ROBO2: variants seen among roughly 807,000 people sequenced by gnomAD.
ROBO2 encodes roundabout homolog 2.
ROBO2 carries 53 observed loss-of-function variants against 160.8 expected under a neutral mutation model. The observed-to-expected ratio is 0.33, with a 90% CI of 0.26 to 0.41. The LOEUF is 0.41. Ranked by LOEUF, ROBO2 falls within the 10% of genes least tolerant of loss-of-function variation. The pLI, the probability that ROBO2 is intolerant of heterozygous loss-of-function variation, is 1.00. For missense variants in ROBO2, 1,577 were observed against 1,722.4 expected, an observed-to-expected ratio of 0.92 and a Z score of 1.49; for synonymous variants, 664 against 611.7, an observed-to-expected ratio of 1.09 and a Z score of -1.26.
In ROBO2 at chr3:76,906,008, T is replaced by C. The variant is rs146678571; in HGVS notation, c.110-192006T>C. Reference sequence around the variant, plus strand: ...TGATAGCTATCAATAAAATCTTTCATTTGTTTTTCTTCTCCATGGTTTGCA... The same window carrying C: ...TGATAGCTATCAATAAAATCTTTCACTTGTTTTTCTTCTCCATGGTTTGCA... On this transcript the variant is annotated intron_variant, in intron 2 of 26. Coordinates refer to the ROBO2 transcript ENST00000487694. 6.5e-3 allele frequency among the ~76,000 whole-genome samples: 994 copies of C among 152,286 alleles called. 10 individuals are homozygous for C. The highest frequency in any genetic ancestry group is 0.022 in the African/African-American group (915 of 41,562).
chr3:77,588,135 T>C (rs1023468239), intron 16 of ROBO2, among the ~76,000 whole-genome samples: 4 of 152,222 alleles, frequency 2.6e-5, no homozygotes, highest in African/African-American at 9.6e-5. Context: ...TAAGGGAATA[T>C]ATGAGTTTCA....
chr3:76,401,425 AG>A (rs1318738127), intron 2 of ROBO2, among the ~76,000 whole-genome samples: 1 of 151,504 alleles, frequency 6.6e-6, no homozygotes, highest in Non-Finnish European at 1.5e-5. Flanking sequence ...GAAGTTTAAA[AG>A]GTTATTGGGT....
intron 2 of ROBO2, among the ~76,000 whole-genome samples, chr3:76,091,239 CAATA>C (rs1429742758): frequency 2.0e-5 from 3 of 152,074 alleles, no homozygotes; most frequent in African/African-American, 4.8e-5. Flanking sequence ...TAAAACTCAA[CAATA>C]AATAACTCAA....
intron 2 of ROBO2, among the ~76,000 whole-genome samples, chr3:76,031,672 T>G (rs2066924127): frequency 1.3e-5 from 2 of 152,188 alleles, no homozygotes; most frequent in African/African-American, 4.8e-5. Flanking sequence ...CATTTATTGA[T>G]TTGCATATGT....
At chr3:77,378,518 T>C (rs1023302415) in intron 2 of ROBO2, among the ~76,000 whole-genome samples, 2 of 152,194 alleles carry the variant, frequency 1.3e-5, no homozygotes, top group African/African-American at 4.8e-5. Flanking sequence ...ATGCGACTTC[T>C]CAGAGGAAAC....
At chr3:76,024,937 G>A (rs553122536) in intron 2 of ROBO2, among the ~76,000 whole-genome samples, 7 of 147,698 alleles carry the variant, frequency 4.7e-5, no homozygotes, top group South Asian at 2.1e-4. Flanking sequence ...GTGTGTGTGC[G>A]TATATATATA....
intron 2 of ROBO2, among the ~76,000 whole-genome samples, chr3:76,836,551 C>G (rs1028724006): frequency 6.7e-6 from 1 of 150,092 alleles, no homozygotes; most frequent in African/African-American, 2.4e-5. Context: ...ATTCTATTTT[C>G]ACTTTTATTT....
At position 76,892,366 on chromosome 3, in the gene ROBO2, T is replaced by G. The variant is rs2074414533; in HGVS notation, c.110-205648T>G. 2.0e-5 allele frequency among the ~76,000 whole-genome samples: 3 copies of G among 152,174 alleles called. No homozygotes were observed. In the South Asian group the frequency reaches 6.2e-4, roughly 31 times the overall value. On this transcript the variant is annotated intron_variant, in intron 2 of 26. Transcript: ENST00000487694. The stretch of plus-strand genomic sequence containing the variant: ...TAGTTTTGGACTCTTTGACACCAAT[T>G]TCGACCTGTCATCTACTTAGCCCAT...
rs1211386391 is a variant in ROBO2, at chr3:77,456,321, A to G, written c.389-21093A>G. Among the ~76,000 whole-genome samples, 40 of 152,180 alleles carry G rather than the reference A, an allele frequency of 2.6e-4. 1 individual carries two copies. The highest frequency in any genetic ancestry group is 2.6e-3 in the Admixed American group (40 of 15,270). ...TGTAATTATTTATGTTTTGTTGGAG[A>G]TATAAGAAATCTCAAAGCTTGGCCC... On this transcript the variant is annotated intron_variant, in intron 2 of 25. Transcript: ENST00000461745.
chr3:76,003,585 T>C (rs1225902974), intron 2 of ROBO2, among the ~76,000 whole-genome samples: 5 of 152,194 alleles, frequency 3.3e-5, no homozygotes. Context: ...TTTGAAAAAA[T>C]ACAGTTGGCC....
chr3:76,562,161 C>T (rs1357681019), intron 2 of ROBO2, among the ~76,000 whole-genome samples: 1 of 151,680 alleles, frequency 6.6e-6, no homozygotes, highest in Non-Finnish European at 1.5e-5. Context: ...AGATTCACCA[C>T]TTCTTGGCTT....
intron 2 of ROBO2, among the ~76,000 whole-genome samples, chr3:76,178,073 A>T (rs1021379663): frequency 6.6e-6 from 1 of 152,184 alleles, no homozygotes; most frequent in Non-Finnish European, 1.5e-5. Context: ...TCTATTTGAT[A>T]GCTCCCCAAA....
intron 2 of ROBO2, among the ~76,000 whole-genome samples, chr3:76,119,921 CCTTCCTTCCTTCCTTCCTTCCTT>C (rs2070667215): frequency 4.7e-5 from 2 of 42,652 alleles, no homozygotes; most frequent in Non-Finnish European, 1.4e-4. Context: ...TCCCTCCCTT[CCTTCCTTCCTTCCTTCCTTCCTT>C]CCTTCCTTCC....
At chr3:77,577,060 G>C (rs1298500859) in intron 14 of ROBO2, among the ~76,000 whole-genome samples, 6 of 152,030 alleles carry the variant, frequency 3.9e-5, no homozygotes, top group Non-Finnish European at 8.8e-5. Flanking sequence ...TTAGAGTAGA[G>C]TTCTAAAATC....
rs376451286 is a variant in ROBO2, at chr3:76,908,876, T to C, written c.110-189138T>C. Among the ~76,000 whole-genome samples the C allele has an allele frequency of 5.9e-5, 9 of 152,314 alleles. No homozygotes were observed. The South Asian group carries it at 1.7e-3, about 28-fold the overall frequency. On this transcript the variant is annotated intron_variant, in intron 2 of 26. Coordinates refer to the ROBO2 transcript ENST00000487694. ...TACATTATATGAAGATAATTGATAA[T>C]TGAATCATTCCTTCAGTCGGATAAA...
intron 2 of ROBO2, among the ~76,000 whole-genome samples, chr3:77,471,217 A>T (rs534020381): frequency 3.3e-5 from 5 of 152,332 alleles, no homozygotes; most frequent in African/African-American, 4.8e-5. Context: ...GGAAATGACT[A>T]AGTAGTGATT....
intron 2 of ROBO2, among the ~76,000 whole-genome samples, chr3:76,959,812 A>C (rs2079523407): frequency 6.6e-6 from 1 of 152,100 alleles, no homozygotes; most frequent in Admixed American, 6.6e-5. Context: ...GACTAAAGGG[A>C]GTTGTTAGCT....
At chr3:76,906,778 GTCCATCCCTTT>G (rs2075633653) in intron 2 of ROBO2, among the ~76,000 whole-genome samples, 1 of 151,984 alleles carries the variant, frequency 6.6e-6, no homozygotes, top group South Asian at 2.1e-4. Flanking sequence ...TTTCTTAAAT[GTCCATCCCTTT>G]TCTCCAATAT....
intron 2 of ROBO2, among the ~76,000 whole-genome samples, chr3:75,980,444 A>T (rs961395557): frequency 3.3e-5 from 5 of 151,346 alleles, no homozygotes; most frequent in Middle Eastern, 3.4e-3. Context: ...CTTAGTATTC[A>T]TTGTCACACT....
Sources: allele counts gnomAD v4.1 joint callset (sites outside exome capture counted in the v4.1 genomes callset), GRCh38; gene constraint gnomAD v4.1.1; transcripts MANE v1.5; gene names NCBI Gene and HGNC (gene_info 2026-07-23, HGNC 2026-07-21).